The following DNAJC15 variants were observed in gnomAD, a reference collection of about 807,000 sequenced individuals.
DNAJC15 encodes DnaJ heat shock protein family (Hsp40) member C15, also known as dnaJ homolog subfamily C member 15.
Under a neutral mutation model 22.4 loss-of-function variants are expected in DNAJC15, and 27 were observed. The ratio of observed to expected loss-of-function variants is 1.20; its 90% CI spans 0.89 to 1.66. The LOEUF (loss-of-function observed/expected upper bound fraction) is 1.66, where lower values mean the gene tolerates loss of function less well. Ranked by LOEUF, DNAJC15 falls within the 40% of genes most tolerant of loss-of-function variation. DNAJC15 has a pLI of 0.00. For missense variants in DNAJC15, 208 were observed against 187.1 expected (o/e 1.11, Z -0.65); for synonymous variants, 79 against 63.2 (o/e 1.25, Z -1.19).
chr13:43,024,074 G>A (rs1361727391), intron 1 of DNAJC15, among the ~76,000 whole-genome samples: 1 of 152,224 alleles, frequency 6.6e-6, no homozygotes, highest in Non-Finnish European at 1.5e-5. Context: ...AGGGGACGTG[G>A]TGGGATCAGG....
chr13:43,037,399 G>C (rs2040433902), intron 1 of DNAJC15, among the ~76,000 whole-genome samples: 1 of 152,062 alleles, frequency 6.6e-6, no homozygotes, highest in South Asian at 2.1e-4. Context: ...AGATGCAGTG[G>C]GATCATTTTT....
intron 2 of DNAJC15, among the ~76,000 whole-genome samples, chr13:43,068,309 G>A (rs1211072483): frequency 1.3e-5 from 2 of 151,990 alleles, no homozygotes; most frequent in African/African-American, 4.8e-5. Flanking sequence ...AAAACTCAGG[G>A]GAGTTTTGAT....
intron 3 of DNAJC15, among the ~76,000 whole-genome samples, chr13:43,076,733 C>G (rs1218957789): frequency 6.6e-6 from 1 of 152,166 alleles, no homozygotes; most frequent in East Asian, 1.9e-4. Context: ...AGTGTCTTTA[C>G]TTGCTGTCTC....
At chr13:43,090,705 C>CT (rs1171336202) in intron 5 of DNAJC15, among the ~76,000 whole-genome samples, 4 of 127,662 alleles carry the variant, frequency 3.1e-5, no homozygotes, top group Admixed American at 2.5e-4. Context: ...AGTCTTCTTT[C>CT]TTTCTTTTTT....
chr13:43,100,611 A>G (rs1468970562), intron 5 of DNAJC15, among the ~76,000 whole-genome samples: 1 of 152,120 alleles, frequency 6.6e-6, no homozygotes. Context: ...TGTTTAATAC[A>G]TTCTATTATT....
At position 43,085,824 on chromosome 13, in the gene DNAJC15, A is replaced by G; in HGVS notation, c.368A>G (p.Asn123Ser). ...RTAHRRVMIL[N>S]HPDKGGSPYV... ...GCTCATAGGAGAGTCATGATTTTGA[A>G]TCACCCAGATAAAGGTAGGTAGAAT... is the stretch of plus-strand genomic sequence containing the variant. The change falls in exon 5 of 6, where the codon AAT becomes AGT. Residue 123 changes from asparagine to serine, a missense_variant. Physicochemically the swap from Asn to Ser is conservative, Grantham distance 46. Coordinates refer to ENST00000379221, the MANE Select transcript of DNAJC15 (RefSeq NM_013238.3). 4 of 1,613,448 alleles carry G rather than the reference A, an allele frequency of 2.5e-6. No individual in the cohort carries two copies. The highest frequency in any genetic ancestry group is 1.7e-5 in the Admixed American group (1 of 59,914).
In DNAJC15 at chr13:43,084,827, G is replaced by GT. The variant is rs78093343; in HGVS notation, c.312-934dup. Among the ~76,000 whole-genome samples, 2,662 of 152,028 alleles carry GT rather than the reference G, an allele frequency of 0.018. 232 individuals carry two copies. In the East Asian group the frequency reaches 0.26, roughly 15 times the overall value. On this transcript the variant is annotated intron_variant, in intron 4 of 5. Coordinates refer to ENST00000379221, the MANE Select transcript of DNAJC15 (RefSeq NM_013238.3). Reference sequence around the variant, plus strand: ...TTTAACAGCCAAGCTTTTCCCATGGGTTTTTTTCACAAAGCTAAATAACTA... The same window carrying GT: ...TTTAACAGCCAAGCTTTTCCCATGGGTTTTTTTTCACAAAGCTAAATAACTA...
At position 43,034,305 on chromosome 13, in the gene DNAJC15, C is replaced by CTTTTTTT. The variant is rs753362468; in HGVS notation, c.108+10593_108+10599dup. On this transcript the variant is annotated intron_variant, in intron 1 of 5. Coordinates refer to ENST00000379221, the MANE Select transcript of DNAJC15 (RefSeq NM_013238.3). ...AATTCTTCTGTATGGGAGATTTGTC[C>CTTTTTTT]TTTTTTTTTTTTTTTTTTTTTTTTT... Among the ~76,000 whole-genome samples, 12 of 60,616 alleles carry CTTTTTTT rather than the reference C, an allele frequency of 2.0e-4. 1 individual carries two copies. Among genetic ancestry groups the CTTTTTTT allele is most frequent in the Non-Finnish European group, 2.1e-4 (7 of 32,590 alleles). 39.8% of individuals were successfully genotyped at this position (60,616 alleles called of 152,430 possible).
intron 5 of DNAJC15, among the ~76,000 whole-genome samples, chr13:43,097,662 G>A (rs1274157980): frequency 6.6e-6 from 1 of 152,188 alleles, no homozygotes; most frequent in South Asian, 2.1e-4. Flanking sequence ...TCTAGGCCCG[G>A]TACGGTGGCT....
chr13:43,098,804 G>GT (rs2040753573), intron 5 of DNAJC15, among the ~76,000 whole-genome samples: 1 of 152,140 alleles, frequency 6.6e-6, no homozygotes, highest in African/African-American at 2.4e-5. Flanking sequence ...TTTGTAGTAA[G>GT]TTTTAATATT....
intron 1 of DNAJC15, among the ~76,000 whole-genome samples, chr13:43,062,029 C>T (rs1310458314): frequency 1.3e-5 from 2 of 152,094 alleles, no homozygotes; most frequent in Admixed American, 1.3e-4. Context: ...ATGATTTTAT[C>T]AGTGAGGATC....
At chr13:43,060,998 A>G (rs2040556228) in intron 1 of DNAJC15, among the ~76,000 whole-genome samples, 1 of 152,176 alleles carries the variant, frequency 6.6e-6, no homozygotes, top group Non-Finnish European at 1.5e-5. Flanking sequence ...TGTGTAGGGA[A>G]GGGATGGGGC....
chr13:43,110,248 A>G lies in DNAJC15; in HGVS notation c.*3000A>G, dbSNP rs776316504. 1 of 152,220 alleles carries G rather than the reference A, an allele frequency of 6.6e-6. No homozygotes were observed. Among genetic ancestry groups the G allele is most frequent in the Non-Finnish European group, 1.5e-5 (1 of 68,044 alleles). The allele number at this position is 152,220 out of a possible 1,614,324, so 9.4% of individuals were successfully genotyped here. A position where few individuals can be genotyped will look rare whatever the true frequency, so the allele number is the denominator to read the frequency against. On this transcript the variant is annotated 3_prime_UTR_variant, in exon 6 of 6. Coordinates refer to ENST00000379221, the MANE Select transcript of DNAJC15 (RefSeq NM_013238.3). ...ACAGGGCTACTAGAGCATCGTCACC[A>G]TAGCAGCTGTCTTATAACAGAGAGT...
In DNAJC15 at chr13:43,108,382, C is replaced by T. The variant is rs932160433; in HGVS notation, c.*1134C>T. ...GACTTACACTGCATTAAATTAATTT[C>T]TTAGAACATAGTCCCTGATCATTAT... On this transcript the variant is annotated 3_prime_UTR_variant, in exon 6 of 6. Transcript: ENST00000379221. The T allele has an allele frequency of 1.3e-5, 2 of 152,190 alleles. No individual in the cohort carries two copies. The highest frequency in any genetic ancestry group is 4.8e-5 in the African/African-American group (2 of 41,448). The allele number at this position is 152,190 out of a possible 1,614,324, so 9.4% of individuals were successfully genotyped here.
At chr13:43,026,053 T>C (rs889938293) in intron 1 of DNAJC15, among the ~76,000 whole-genome samples, 1 of 152,232 alleles carries the variant, frequency 6.6e-6, no homozygotes, top group Non-Finnish European at 1.5e-5. Flanking sequence ...CAGCTACCAA[T>C]GCAAATTGTT....
intron 1 of DNAJC15, among the ~76,000 whole-genome samples, chr13:43,063,430 AATACTGTTGCT>A (rs1404099367): frequency 6.6e-6 from 1 of 152,248 alleles, no homozygotes; most frequent in African/African-American, 2.4e-5. Flanking sequence ...GTAACGTGTC[AATACTGTTGCT>A]ATACTGTTGG....
At chr13:43,025,633 G>A (rs2040377155) in intron 1 of DNAJC15, among the ~76,000 whole-genome samples, 1 of 152,194 alleles carries the variant, frequency 6.6e-6, no homozygotes, top group African/African-American at 2.4e-5. Context: ...GGCTGCGAGC[G>A]GTGTCTCGCT....
intron 5 of DNAJC15, among the ~76,000 whole-genome samples, chr13:43,087,194 G>T (rs796078309): frequency 6.6e-6 from 1 of 152,096 alleles, no homozygotes; most frequent in Non-Finnish European, 1.5e-5. Flanking sequence ...TTGGATTATT[G>T]TTCCCTCTGA....
chr13:43,064,505 C>G (rs2040573889), intron 1 of DNAJC15, among the ~76,000 whole-genome samples: 1 of 152,204 alleles, frequency 6.6e-6, no homozygotes. Context: ...GCCGACTCTT[C>G]AGGATTTGCC....
Sources: allele counts gnomAD v4.1 joint callset (sites outside exome capture counted in the v4.1 genomes callset), GRCh38; gene constraint gnomAD v4.1.1; transcripts MANE v1.5; gene names NCBI Gene and HGNC (gene_info 2026-07-23, HGNC 2026-07-21).